The following ARAP2 variants were observed in gnomAD, a reference collection of about 807,000 sequenced individuals.
ARAP2 encodes the protein ArfGAP with RhoGAP domain, ankyrin repeat and PH domain 2, also known as arf-GAP with Rho-GAP domain, ANK repeat and PH domain-containing protein 2.
Under a neutral mutation model 194.5 loss-of-function variants are expected in ARAP2, and 148 were observed. The observed-to-expected ratio is 0.76, with a 90% CI of 0.67 to 0.87. The LOEUF is 0.87. Ranked by LOEUF, ARAP2 falls within the 40% of genes least tolerant of loss-of-function variation. The pLI is 0.00. For synonymous variants in ARAP2, 695 were observed against 683.5 expected (o/e 1.02, Z -0.26); for missense variants, 2,128 against 1,989.7 (o/e 1.07, Z -1.32).
At chr4:36,185,125 GAAAT>G (rs1310686950) in intron 8 of ARAP2, among the ~76,000 whole-genome samples, 1 of 152,182 alleles carries the variant, frequency 6.6e-6, no homozygotes, top group Middle Eastern at 3.2e-3. Flanking sequence ...GAATGAATGA[GAAAT>G]GAATGAATGA....
At chr4:36,130,098 T>G (rs1490300899) in intron 20 of ARAP2, among the ~76,000 whole-genome samples, 1 of 151,844 alleles carries the variant, frequency 6.6e-6, no homozygotes, top group East Asian at 1.9e-4. Context: ...CTCTCAGAAC[T>G]GCCCTCTCCT....
chr4:36,190,897 A>C (rs1468000888), intron 7 of ARAP2, among the ~76,000 whole-genome samples: 3 of 152,244 alleles, frequency 2.0e-5, no homozygotes, highest in Non-Finnish European at 4.4e-5. Flanking sequence ...GGCTTAACAA[A>C]GGAAACCCTA....
At chr4:36,133,608 A>C (rs926703256) in intron 19 of ARAP2, among the ~76,000 whole-genome samples, 1 of 151,640 alleles carries the variant, frequency 6.6e-6, no homozygotes, top group Non-Finnish European at 1.5e-5. Context: ...ACTTCTTTTC[A>C]TTCCCTAGCC....
rs5857473 is a variant in ARAP2, at chr4:36,128,753, TA to T, written c.3428-9del. ...TATATTTGCATCCTAAACCTTTGTTTAAAAAAAAAAAGTTATACTTTAAAAG... is the reference window on the plus strand; with the variant it reads ...TATATTTGCATCCTAAACCTTTGTTTAAAAAAAAAAGTTATACTTTAAAAG... On this transcript the variant is annotated splice_polypyrimidine_tract_variant and intron_variant, in intron 20 of 32. Transcript: ENST00000303965. 1,255,461 of 1,408,042 alleles carry T rather than the reference TA, an allele frequency of 0.89. 556,217 individuals are homozygous for T. The highest frequency in any genetic ancestry group is 0.94 in the African/African-American group (64,025 of 68,082). The allele number at this position is 1,408,042 out of a possible 1,614,324, so 87.2% of individuals were successfully genotyped here.
chr4:36,214,154 C>T (rs902312249), intron 3 of ARAP2, among the ~76,000 whole-genome samples: 6 of 152,110 alleles, frequency 3.9e-5, no homozygotes, highest in Non-Finnish European at 1.5e-5. Flanking sequence ...TAGTTAAATG[C>T]CTGCAACTGT....
intron 28 of ARAP2, among the ~76,000 whole-genome samples, chr4:36,089,465 A>C (rs2109376178): frequency 6.6e-6 from 1 of 152,244 alleles, no homozygotes; most frequent in South Asian, 2.1e-4. Context: ...GAGCCACTGG[A>C]TCATGGGGTA....
At chr4:36,207,821 T>C (rs1291318306) in intron 6 of ARAP2, among the ~76,000 whole-genome samples, 2 of 152,180 alleles carry the variant, frequency 1.3e-5, no homozygotes, top group Admixed American at 6.5e-5. Flanking sequence ...TTAATGTTTA[T>C]CAGTATTATC....
chr4:36,190,071 T>A (rs553697931), intron 7 of ARAP2, among the ~76,000 whole-genome samples: 1 of 152,314 alleles, frequency 6.6e-6, no homozygotes, highest in African/African-American at 2.4e-5. Flanking sequence ...CCTGAATATA[T>A]CACATTTCTA....
chr4:36,202,690 T>C (rs954963953), intron 6 of ARAP2, among the ~76,000 whole-genome samples: 4 of 152,170 alleles, frequency 2.6e-5, no homozygotes, highest in Non-Finnish European at 5.9e-5. Context: ...TCATATTATA[T>C]AAAATACAAC....
At chr4:36,175,828 C>T (rs915377708) in intron 9 of ARAP2, among the ~76,000 whole-genome samples, 1 of 152,102 alleles carries the variant, frequency 6.6e-6, no homozygotes, top group Non-Finnish European at 1.5e-5. Context: ...TCATCAGATG[C>T]CCTTTTTTTG....
At chr4:36,127,425 A>G (rs1307208808) in intron 21 of ARAP2, among the ~76,000 whole-genome samples, 1 of 152,052 alleles carries the variant, frequency 6.6e-6, no homozygotes, top group African/African-American at 2.4e-5. Context: ...CTTTATTTTC[A>G]TTATAATACT....
intron 1 of ARAP2, among the ~76,000 whole-genome samples, chr4:36,235,463 C>G (rs568114742): frequency 1.7e-3 from 258 of 152,330 alleles, no homozygotes; most frequent in Non-Finnish European, 2.6e-3. Flanking sequence ...TGGTATGTCT[C>G]TGCTCAAATG....
At chr4:36,175,326 G>A (rs982491514) in intron 9 of ARAP2, among the ~76,000 whole-genome samples, 4 of 152,208 alleles carry the variant, frequency 2.6e-5, no homozygotes, top group African/African-American at 9.6e-5. Context: ...CTGGCAGAAA[G>A]CCCTCTGCAC....
intron 27 of ARAP2, among the ~76,000 whole-genome samples, chr4:36,103,720 T>TA (rs1717636195): frequency 6.6e-6 from 1 of 151,840 alleles, no homozygotes; most frequent in South Asian, 2.1e-4. Context: ...AAAACACACT[T>TA]ACTCCTATCT....
intron 3 of ARAP2, among the ~76,000 whole-genome samples, chr4:36,048,599 A>G (rs577389095): frequency 5.8e-4 from 88 of 152,312 alleles, no homozygotes; most frequent in South Asian, 1.7e-3. Flanking sequence ...TGCTTTATCC[A>G]AAACACCACT....
At chr4:36,008,889 C>T (rs759856497) in intron 9 of ARAP2, among the ~76,000 whole-genome samples, 1 of 151,948 alleles carries the variant, frequency 6.6e-6, no homozygotes, top group Non-Finnish European at 1.5e-5. Flanking sequence ...GGGCAAAGGA[C>T]AAGAGCAGAC....
chr4:36,124,176 A>G (rs1274041844), intron 22 of ARAP2, among the ~76,000 whole-genome samples: 1 of 151,878 alleles, frequency 6.6e-6, no homozygotes, highest in African/African-American at 2.4e-5. Flanking sequence ...GAGACTGCAA[A>G]TAAGGTACTT....
Position 36,055,776 on chromosome 4 carries a change from ATGGTCT to A in ARAP2, n.321+2188_321+2193del, listed in dbSNP as rs1449507210. ...ACGGGGTTTCACCATGTTGGCCAGG[ATGGTCT>A]TGAACTCCTGACCTCAGGTGACCAA... is the stretch of plus-strand genomic sequence containing the variant. On this transcript the variant is annotated intron_variant and non_coding_transcript_variant, in intron 2 of 12. Coordinates refer to the ARAP2 transcript ENST00000503225. 2.0e-5 allele frequency among the ~76,000 whole-genome samples: 3 copies of A among 152,074 alleles called. No homozygotes were observed. The East Asian group carries it at 5.8e-4, about 29-fold the overall frequency.
In ARAP2 at chr4:36,160,539, T is replaced by A. The variant is rs1449942577; in HGVS notation, c.2362A>T (p.Asn788Tyr). Residue 788 changes from asparagine to tyrosine, a missense_variant, in exon 13 of 33, where the codon AAC becomes TAC. By Grantham distance (143) the Asn-to-Tyr change is moderately radical (BLOSUM62 -2). Coordinates refer to ENST00000303965, the MANE Select transcript of ARAP2 (RefSeq NM_015230.4). ...HMDSPVEKRK[N>Y]FITQKYKEGK... is the part of the protein sequence containing the mutation. ...TCTTTATATTTCTGAGTAATAAAGTTTTTTCTCTTTTCTACTGGTGAGTCC... is the reference window on the plus strand; with the variant it reads ...TCTTTATATTTCTGAGTAATAAAGTATTTTCTCTTTTCTACTGGTGAGTCC... The A allele has an allele frequency of 3.8e-6, 6 of 1,574,178 alleles. No homozygotes were observed. In the South Asian group the frequency reaches 6.0e-5, roughly 16 times the overall value.
Sources: gnomAD v4.1 joint callset for allele counts (sites outside exome capture counted in the v4.1 genomes callset) on GRCh38, gnomAD v4.1.1 for gene constraint, MANE v1.5 for transcripts, NCBI Gene and HGNC (gene_info 2026-07-23, HGNC 2026-07-21) for gene names.